Variants in ZNF236 observed in about 807,000 individuals in gnomAD.
ZNF236 encodes the protein zinc finger protein 236.
ZNF236 carries 50 observed loss-of-function variants against 191.2 expected under a neutral mutation model. That is an observed-to-expected ratio of 0.26 (90% CI 0.21 to 0.33). The LOEUF (loss-of-function observed/expected upper bound fraction) is 0.33. ZNF236 is among the 10% of genes least tolerant of loss of function. The pLI, the probability that ZNF236 is intolerant of heterozygous loss-of-function variation, is 1.00. For synonymous variants in ZNF236, 907 were observed against 928.8 expected (o/e 0.98, Z 0.43); for missense variants, 1,754 against 2,374.5 (o/e 0.74, Z 5.43).
intron 1 of ZNF236, among the ~76,000 whole-genome samples, chr18:76,825,002 T>C (rs1974976320): frequency 6.6e-6 from 1 of 152,244 alleles, no homozygotes. Flanking sequence ...GTGCATTGGC[T>C]TCCTCATCCC....
intron 25 of ZNF236, among the ~76,000 whole-genome samples, chr18:76,932,861 A>G (rs970370789): frequency 6.6e-6 from 1 of 152,076 alleles, no homozygotes; most frequent in Non-Finnish European, 1.5e-5. Context: ...CCGAAGGGAG[A>G]AGTTGGATGG....
chr18:76,847,264 ATTAAG>A (rs927700972), intron 1 of ZNF236, among the ~76,000 whole-genome samples: 3 of 152,124 alleles, frequency 2.0e-5, no homozygotes, highest in African/African-American at 7.2e-5. Flanking sequence ...CATTTCAGAA[ATTAAG>A]TTGAGCTCTT....
chr18:76,925,287 A>G lies in ZNF236; in HGVS notation c.3760A>G (p.Lys1254Glu). The change falls in exon 22 of 31, where the codon AAA becomes GAA. Residue 1254 changes from lysine (K) to glutamate (E), a missense_variant. Lys to Glu is a moderately conservative substitution (Grantham distance 56). Transcript: ENST00000320610. This position sits in a 1 kb window ranked among gnomAD's most constrained non-coding sequence, Gnocchi z 5.7. ...CCTGCACACGGGAGCCAAGCCCTTC[A>G]AATGCCCGCATTGCGAGCTGCGTTT... ...MRLHTGAKPF[K>E]CPHCELRFRT... The G allele has an allele frequency of 6.2e-7, 1 of 1,614,216 alleles. No homozygotes were observed. The highest frequency in any genetic ancestry group is 8.5e-7 in the Non-Finnish European group (1 of 1,180,040).
At chr18:76,866,577 G>T (rs1478505459) in intron 3 of ZNF236, among the ~76,000 whole-genome samples, 2 of 152,188 alleles carry the variant, frequency 1.3e-5, no homozygotes, top group Non-Finnish European at 2.9e-5. Context: ...TTTTAGAGAT[G>T]ATCGTATCTT....
Position 76,912,273 on chromosome 18 carries a change from A to G in ZNF236, c.2835A>G (p.Gln945=). ...CTCGCTTGATTCAGGAGTCATCCCA[A>G]GAGGAACTGGACCTGCAGGCACAAG... ...VTTRLIQESS[Q]EELDLQAQGS... Residue 945 remains glutamine, a synonymous_variant, in exon 17 of 31, where the codon CAA becomes CAG. Coordinates refer to ENST00000320610, the MANE Select transcript of ZNF236 (RefSeq NM_001306089.2). 6.2e-7 allele frequency: 1 copy of G among 1,614,226 alleles called. No individual in the cohort carries two copies. The highest frequency in any genetic ancestry group is 8.5e-7 in the Non-Finnish European group (1 of 1,180,032).
rs187398901 is a variant in ZNF236 at position 76,964,496 on chromosome 18, G to A, written c.5419+3641G>A. Among the ~76,000 whole-genome samples the A allele has an allele frequency of 6.9e-3, 1,052 of 152,280 alleles. 12 individuals are homozygous for A. The highest frequency in any genetic ancestry group is 0.024 in the African/African-American group (1,002 of 41,548). ...GTGACCTATCATATGGTCTGTCTTGGAGAAAGTTCCATCTGCTGTTAAATA... is the reference window on the plus strand; with the variant it reads ...GTGACCTATCATATGGTCTGTCTTGAAGAAAGTTCCATCTGCTGTTAAATA... On this transcript the variant is annotated intron_variant, in intron 30 of 30. Transcript: ENST00000320610.
rs750356013 is a variant in ZNF236 at position 76,925,450 on chromosome 18, C to G, written c.3923C>G (p.Pro1308Arg). The G allele has an allele frequency of 1.2e-6, 2 of 1,614,106 alleles. No individual in the cohort carries two copies. Among genetic ancestry groups the G allele is most frequent in the African/African-American group, 2.7e-5 (2 of 74,928 alleles). ...VNLLNSSSTDPNVFIMNNSVL... is the reference protein window; with the variant it reads ...VNLLNSSSTDRNVFIMNNSVL... ...CTCCTCAACTCCTCCTCTACTGACC[C>G]AAACGTGTTTATCATGAACAACTCT... Residue 1308 changes from proline to arginine, a missense_variant, in exon 22 of 31, where the codon CCA becomes CGA. This residue lies in a region of ZNF236 where 606 missense variants were observed against 761.5 expected (regional missense o/e 0.80). Coordinates refer to ENST00000320610, the MANE Select transcript of ZNF236 (RefSeq NM_001306089.2). The surrounding 1 kb of genome is among the most constrained non-coding windows in gnomAD (Gnocchi z 5.7).
At chr18:76,916,188 A>G (rs567962134) in intron 19 of ZNF236, among the ~76,000 whole-genome samples, 2 of 152,256 alleles carry the variant, frequency 1.3e-5, no homozygotes, top group Non-Finnish European at 2.9e-5. Context: ...ATCTTGCTCT[A>G]TATAGTGTAG....
At chr18:76,833,252 C>A (rs1434258050) in intron 1 of ZNF236, among the ~76,000 whole-genome samples, 1 of 152,088 alleles carries the variant, frequency 6.6e-6, no homozygotes, top group Non-Finnish European at 1.5e-5. Flanking sequence ...TGAATAAATG[C>A]GGTGAATAAG....
intron 9 of ZNF236, among the ~76,000 whole-genome samples, chr18:76,893,810 G>A (rs1433882678): frequency 6.6e-6 from 1 of 152,212 alleles, no homozygotes; most frequent in African/African-American, 2.4e-5. Context: ...ACTGCGCCCG[G>A]CCCACCTTTC....
rs142584736 is a variant in ZNF236 at position 76,824,238 on chromosome 18, T to C, written c.55+1576T>C. ...ATGGGTAGGAATCAATGTAAACTTA[T>C]TCATAGGCCACACCAAACCAGGAAT... is the stretch of plus-strand genomic sequence containing the variant. On this transcript the variant is annotated intron_variant, in intron 1 of 30. Coordinates refer to ENST00000320610, the MANE Select transcript of ZNF236 (RefSeq NM_001306089.2). The C allele has an allele frequency of 8.1e-4, 624 of 766,410 alleles. No homozygotes were observed. In the African/African-American group the frequency reaches 9.7e-3, roughly 12 times the overall value. 47.5% of individuals were successfully genotyped at this position (766,410 alleles called of 1,614,324 possible). A position where few individuals can be genotyped will look rare whatever the true frequency, so the allele number is the denominator to read the frequency against.
chr18:76,915,537 A>G (rs1253212474), intron 18 of ZNF236, 110 bp from the exon 19 acceptor site: 1 of 984,040 alleles, frequency 1.0e-6, no homozygotes, highest in Non-Finnish European at 1.5e-6. Flanking sequence ...AAGCCTCAGG[A>G]TAATGTTGTA....
At chr18:76,841,694 CTTT>C (rs371645927) in intron 1 of ZNF236, among the ~76,000 whole-genome samples, 1 of 128,806 alleles carries the variant, frequency 7.8e-6, no homozygotes. Flanking sequence ...TTTTTTTTTT[CTTT>C]TTTTTTTTTT....
At chr18:76,894,762 C>T (rs1305851515) in intron 9 of ZNF236, among the ~76,000 whole-genome samples, 1 of 152,128 alleles carries the variant, frequency 6.6e-6, no homozygotes, top group African/African-American at 2.4e-5. Flanking sequence ...GTCCTGGTGC[C>T]GCTGGACCTA....
intron 20 of ZNF236, among the ~76,000 whole-genome samples, chr18:76,920,879 T>G (rs948098863): frequency 6.6e-6 from 1 of 152,224 alleles, no homozygotes; most frequent in Non-Finnish European, 1.5e-5. Context: ...TCTCAGAATG[T>G]CCTTCCTTTC....
intron 11 of ZNF236, among the ~76,000 whole-genome samples, chr18:76,901,789 C>T (rs570760924): frequency 3.3e-5 from 5 of 151,892 alleles, no homozygotes; most frequent in Non-Finnish European, 7.4e-5. Flanking sequence ...ATTTAATATA[C>T]GAATTGTACT....
At chr18:76,937,420 CTAAA>C (rs1968032207) in intron 26 of ZNF236, 77 bp downstream of exon 26, 3 of 1,302,588 alleles carry the variant, frequency 2.3e-6, no homozygotes, top group African/African-American at 1.5e-5. Flanking sequence ...TGACTCCTTC[CTAAA>C]TAAATAGTCT....
chr18:76,908,728 A>G (rs1486900927), intron 14 of ZNF236, among the ~76,000 whole-genome samples, 155 bp downstream of exon 14: 1 of 152,230 alleles, frequency 6.6e-6, no homozygotes, highest in Non-Finnish European at 1.5e-5. Flanking sequence ...ATATCATTCC[A>G]TGTCCTCTTA....
intron 15 of ZNF236, 152 bp downstream of exon 15, chr18:76,910,321 T>A (rs74333429): frequency 2.4e-5 from 16 of 673,616 alleles, no homozygotes; most frequent in Middle Eastern, 8.2e-4. Context: ...GATTTTTTTT[T>A]ATTGATGCAT....
Sources: gnomAD v4.1 joint callset for allele counts (sites outside exome capture counted in the v4.1 genomes callset) on GRCh38, gnomAD v4.1.1 for gene constraint, gnomAD v4.1.1 regional missense constraint, Gnocchi (gnomAD v3.1) non-coding constraint, MANE v1.5 for transcripts, NCBI Gene and HGNC (gene_info 2026-07-23, HGNC 2026-07-21) for gene names.